GPR158: variants seen among roughly 807,000 people sequenced by gnomAD.
GPR158 encodes metabotropic glycine receptor.
GPR158 carries 30 observed loss-of-function variants against 78.2 expected under a neutral mutation model. The observed-to-expected ratio is 0.38, with a 90% CI of 0.29 to 0.52. GPR158 has a LOEUF of 0.52. GPR158 is among the 20% of genes least tolerant of loss of function. The pLI, the probability that GPR158 is intolerant of heterozygous loss-of-function variation, is 0.83. For missense variants in GPR158, 1,463 were observed against 1,523.5 expected (o/e 0.96, Z 0.66); for synonymous variants, 581 against 591.1 (o/e 0.98, Z 0.25).
intron 2 of GPR158, among the ~76,000 whole-genome samples, chr10:25,237,452 A>C (rs1016753249): frequency 2.0e-5 from 3 of 152,256 alleles, no homozygotes; most frequent in Admixed American, 2.0e-4. Flanking sequence ...CTATCATCAT[A>C]CATACTATAA....
intron 2 of GPR158, among the ~76,000 whole-genome samples, chr10:25,313,307 G>A (rs1189528412): frequency 6.6e-6 from 1 of 150,716 alleles, no homozygotes; most frequent in East Asian, 2.0e-4. Flanking sequence ...TAAATGACGA[G>A]TTAATGGGTG....
intron 2 of GPR158, among the ~76,000 whole-genome samples, chr10:25,332,125 G>T (rs904010228): frequency 1.3e-5 from 2 of 151,724 alleles, no homozygotes; most frequent in Non-Finnish European, 1.5e-5. Flanking sequence ...GGGGGGGGGC[G>T]AATACATTTC....
At chr10:25,296,422 C>T (rs1203680549) in intron 2 of GPR158, among the ~76,000 whole-genome samples, 3 of 152,168 alleles carry the variant, frequency 2.0e-5, no homozygotes, top group African/African-American at 7.2e-5. Context: ...TACCGTTTCA[C>T]TTTTCATTAT....
chr10:25,237,613 G>A (rs1414367350), intron 2 of GPR158, among the ~76,000 whole-genome samples: 8 of 152,128 alleles, frequency 5.3e-5, no homozygotes, highest in Non-Finnish European at 5.9e-5. Context: ...AAATTGACTA[G>A]TGATTATTCT....
At chr10:25,359,601 T>C (rs1357893563) in intron 2 of GPR158, among the ~76,000 whole-genome samples, 1 of 152,180 alleles carries the variant, frequency 6.6e-6, no homozygotes, top group East Asian at 1.9e-4. Context: ...TCCTTTTTTA[T>C]GGCCGCACAG....
intron 1 of GPR158, among the ~76,000 whole-genome samples, chr10:25,204,748 C>T (rs1270468816): frequency 6.7e-6 from 1 of 149,626 alleles, no homozygotes; most frequent in African/African-American, 2.5e-5. Flanking sequence ...GCTTTGGTAT[C>T]AGAATCCATT....
At chr10:25,331,627 A>T (rs975013784) in intron 2 of GPR158, among the ~76,000 whole-genome samples, 5 of 152,212 alleles carry the variant, frequency 3.3e-5, no homozygotes, top group African/African-American at 4.8e-5. Context: ...AGAAAGGCTA[A>T]CATCAATGAC....
In GPR158 at chr10:25,208,722, T is replaced by G. The variant is rs12762009; in HGVS notation, c.903-12330T>G. Among the ~76,000 whole-genome samples the G allele has an allele frequency of 4.2e-3, 634 of 152,160 alleles. 5 individuals carry two copies. Among genetic ancestry groups the G allele is most frequent in the African/African-American group, 0.013 (556 of 41,506 alleles). On this transcript the variant is annotated intron_variant, in intron 1 of 10. Transcript: ENST00000376351. ...ATGGTGGCCTCTACAAACTGTCAAA[T>G]TAGGTAGGTCCCAAACCTGCTTTCA...
chr10:25,215,758 T>A (rs75006466), intron 1 of GPR158, among the ~76,000 whole-genome samples: 1 of 151,946 alleles, frequency 6.6e-6, no homozygotes, highest in African/African-American at 2.4e-5. Context: ...TCACTTCAGC[T>A]GGGGAGGTGG....
chr10:25,302,557 A>G (rs1012597242), intron 2 of GPR158, among the ~76,000 whole-genome samples: 2 of 152,126 alleles, frequency 1.3e-5, no homozygotes, highest in African/African-American at 4.8e-5. Context: ...CCCTTTGGAC[A>G]GGGGACAACA....
In GPR158 at chr10:25,175,447, C is replaced by T. The variant is rs1588719045; in HGVS notation, c.27C>T (p.Leu9=). 1 of 1,595,592 alleles carries T rather than the reference C, an allele frequency of 6.3e-7. No homozygotes were observed. The highest frequency in any genetic ancestry group is 1.7e-5 in the Admixed American group (1 of 58,354). Reference sequence around the variant, plus strand: ...TGGGAGCCATGGCTTACCCCTTACTCCTCTGCCTCCTGCTTGCTCAGCTGG... The same window carrying T: ...TGGGAGCCATGGCTTACCCCTTACTTCTCTGCCTCCTGCTTGCTCAGCTGG... MGAMAYPL[L]LCLLLAQLGL... Residue 9 remains leucine, a synonymous_variant, in exon 1 of 11, where the codon CTC becomes CTT. Coordinates refer to ENST00000376351, the MANE Select transcript of GPR158 (RefSeq NM_020752.3). This position sits in a 1 kb window ranked among gnomAD's most constrained non-coding sequence, Gnocchi z 6.4.
rs775860988 is a variant in GPR158, at chr10:25,395,895, C to A, written c.1009-16C>A. On this transcript the variant is annotated splice_polypyrimidine_tract_variant and intron_variant, in intron 2 of 10. Coordinates refer to ENST00000376351, the MANE Select transcript of GPR158 (RefSeq NM_020752.3). The stretch of plus-strand genomic sequence containing the variant: ...AAGCCATGATCAACTATGTTGCTGT[C>A]TTTTCTTCTTCATAGTGTATGCCAA... 3.8e-6 allele frequency: 5 copies of A among 1,326,696 alleles called. No homozygotes were observed. Among genetic ancestry groups the A allele is most frequent in the Middle Eastern group, 1.8e-4 (1 of 5,492 alleles). 82.2% of individuals were successfully genotyped at this position (1,326,696 alleles called of 1,614,324 possible).
At chr10:25,284,948 T>G (rs992879824) in intron 2 of GPR158, among the ~76,000 whole-genome samples, 4 of 152,170 alleles carry the variant, frequency 2.6e-5, no homozygotes, top group Admixed American at 2.6e-4. Context: ...TCCTATATAC[T>G]ATACACACAA....
At chr10:25,577,124 TCA>T (rs1396227076) in intron 7 of GPR158, among the ~76,000 whole-genome samples, 24 of 152,236 alleles carry the variant, frequency 1.6e-4, no homozygotes, top group Non-Finnish European at 7.3e-5. Flanking sequence ...GCATGCAGCA[TCA>T]ATATTTAACC....
At chr10:25,394,732 T>A (rs1834346158) in intron 2 of GPR158, among the ~76,000 whole-genome samples, 1 of 152,172 alleles carries the variant, frequency 6.6e-6, no homozygotes, top group African/African-American at 2.4e-5. Flanking sequence ...TTTCAGAGAT[T>A]TCTTGCTGCA....
chr10:25,176,964 C>T lies in GPR158; in HGVS notation c.902+642C>T, dbSNP rs1333343150. ...AGCTTGGTCAGGGTGCTCCTTCTAC[C>T]GGTCTCCCCTCTCCCCGCAATTGAT... is the stretch of plus-strand genomic sequence containing the variant. On this transcript the variant is annotated intron_variant, in intron 1 of 10. Transcript: ENST00000376351. The surrounding 1 kb of genome is among the most constrained non-coding windows in gnomAD (Gnocchi z 6.3). 2.6e-5 allele frequency among the ~76,000 whole-genome samples: 4 copies of T among 152,142 alleles called. No homozygotes were observed. The highest frequency in any genetic ancestry group is 4.8e-5 in the African/African-American group (2 of 41,430).
chr10:25,228,413 A>G (rs1009045822), intron 2 of GPR158, among the ~76,000 whole-genome samples: 12 of 152,188 alleles, frequency 7.9e-5, no homozygotes, highest in Non-Finnish European at 1.2e-4. Flanking sequence ...AAACAAATGC[A>G]TAATAAAGAA....
chr10:25,476,005 G>A (rs938194909), intron 5 of GPR158: 3 of 152,210 alleles, frequency 2.0e-5, no homozygotes, highest in Admixed American at 6.6e-5. Flanking sequence ...TCATAACAAT[G>A]CTTATATTGG....
chr10:25,282,408 C>T (rs1564410045), intron 2 of GPR158, among the ~76,000 whole-genome samples: 2 of 152,130 alleles, frequency 1.3e-5, no homozygotes, highest in African/African-American at 2.4e-5. Context: ...TTTACAGTTT[C>T]TTAACAATTA....
Sources: allele counts gnomAD v4.1 joint callset (sites outside exome capture counted in the v4.1 genomes callset), GRCh38; gene constraint gnomAD v4.1.1; non-coding constraint Gnocchi (gnomAD v3.1); transcripts MANE v1.5; gene names NCBI Gene and HGNC (gene_info 2026-07-23, HGNC 2026-07-21).